Variants in IQCK observed in about 807,000 individuals in gnomAD.
IQCK encodes the protein IQ motif containing K.
Under a neutral mutation model 28.1 loss-of-function variants are expected in IQCK, and 29 were observed. The ratio of observed to expected loss-of-function variants is 1.03; its 90% CI spans 0.77 to 1.41. IQCK has a LOEUF of 1.41. Ranked by LOEUF, IQCK falls within the 40% of genes most tolerant of loss-of-function variation. The pLI is 0.00. For missense variants in IQCK, 359 were observed against 314.7 expected (o/e 1.14, Z -1.07); for synonymous variants, 113 against 115.1 (o/e 0.98, Z 0.12).
At chr16:19,806,305 C>T (rs2055832794) in intron 7 of IQCK, among the ~76,000 whole-genome samples, 1 of 151,924 alleles carries the variant, frequency 6.6e-6, no homozygotes, top group African/African-American at 2.4e-5. Flanking sequence ...GTTGAGGCTA[C>T]AGTGAGCTAT....
chr16:19,736,479 C>T (rs903847959), intron 4 of IQCK, among the ~76,000 whole-genome samples: 2 of 152,062 alleles, frequency 1.3e-5, no homozygotes, highest in African/African-American at 4.8e-5. Context: ...ACTCAGTGAA[C>T]TCGGTAGAAA....
chr16:19,733,674 C>G, intron 2 of IQCK, 24 bp from the exon 3 acceptor site: 2 of 1,611,004 alleles, frequency 1.2e-6, no homozygotes, highest in Non-Finnish European at 1.7e-6. Context: ...AATGAATTGC[C>G]TCCCCTCCCC....
chr16:19,725,729 A>G (rs1293359969), intron 1 of IQCK, among the ~76,000 whole-genome samples: 3 of 152,210 alleles, frequency 2.0e-5, no homozygotes, highest in Non-Finnish European at 4.4e-5. Flanking sequence ...ATTCTCAAAT[A>G]TGTTAGATTC....
intron 7 of IQCK, among the ~76,000 whole-genome samples, chr16:19,815,385 T>C (rs1194116943): frequency 6.6e-6 from 1 of 152,204 alleles, no homozygotes; most frequent in Non-Finnish European, 1.5e-5. Flanking sequence ...CGCCAGTGGC[T>C]TATGCTGATA....
chr16:19,758,331 C>T (rs558004259), intron 4 of IQCK, among the ~76,000 whole-genome samples: 2 of 152,334 alleles, frequency 1.3e-5, no homozygotes, highest in African/African-American at 4.8e-5. Context: ...CACGTCCACG[C>T]TTGCCCAGAA....
intron 6 of IQCK, among the ~76,000 whole-genome samples, chr16:19,782,834 T>C (rs909201341): frequency 2.0e-5 from 3 of 152,206 alleles, no homozygotes; most frequent in African/African-American, 7.2e-5. Flanking sequence ...GTTAGCATGC[T>C]GTATCTTCAC....
chr16:19,819,104 G>A (rs1323272239), intron 7 of IQCK, among the ~76,000 whole-genome samples: 1 of 152,282 alleles, frequency 6.6e-6, no homozygotes, highest in African/African-American at 2.4e-5. Context: ...GTGTTAAAGG[G>A]TGTCCACGAT....
intron 7 of IQCK, among the ~76,000 whole-genome samples, chr16:19,822,968 G>A (rs943709457): frequency 6.6e-6 from 1 of 152,028 alleles, no homozygotes; most frequent in African/African-American, 2.4e-5. Context: ...AGAGTTGGAA[G>A]AGGTGGCCCC....
rs182254166 is a variant in IQCK, at chr16:19,842,003, G to A, written c.803-14484G>A. Among the ~76,000 whole-genome samples, 36 of 152,082 alleles carry A rather than the reference G, an allele frequency of 2.4e-4. No homozygotes were observed. The East Asian group carries it at 6.4e-3, about 27-fold the overall frequency. ...TGGGATTACAGGTGCCCACCACCAC[G>A]CCTAGCACATTTTTGTATTTTTAGT... On this transcript the variant is annotated intron_variant, in intron 9 of 9. Transcript: ENST00000320394.
At chr16:19,755,937 C>T (rs1269781645) in intron 4 of IQCK, among the ~76,000 whole-genome samples, 1 of 152,174 alleles carries the variant, frequency 6.6e-6, no homozygotes, top group Non-Finnish European at 1.5e-5. Context: ...AATGCCAGCA[C>T]TTTGGGAGGC....
intron 9 of IQCK, among the ~76,000 whole-genome samples, chr16:19,838,610 C>T (rs986304423): frequency 1.3e-5 from 2 of 152,134 alleles, no homozygotes; most frequent in Non-Finnish European, 2.9e-5. Flanking sequence ...CCAAACGTTG[C>T]GTGTCTGCAA....
intron 9 of IQCK, among the ~76,000 whole-genome samples, chr16:19,856,189 A>C (rs927160968): frequency 2.6e-5 from 4 of 152,152 alleles, no homozygotes; most frequent in Non-Finnish European, 5.9e-5. Context: ...TCTTTAGTAA[A>C]ATTGCCTTCC....
At chr16:19,813,939 C>T (rs897337432) in intron 7 of IQCK, among the ~76,000 whole-genome samples, 1 of 152,026 alleles carries the variant, frequency 6.6e-6, no homozygotes, top group Non-Finnish European at 1.5e-5. Context: ...ACAATTAGGG[C>T]TGGGTGTGGT....
intron 7 of IQCK, among the ~76,000 whole-genome samples, chr16:19,817,781 G>A (rs1422685499): frequency 6.6e-6 from 1 of 152,116 alleles, no homozygotes; most frequent in African/African-American, 2.4e-5. Context: ...CATGCTCATT[G>A]TAAATATCCC....
At chr16:19,845,282 G>C (rs959507275) in intron 9 of IQCK, among the ~76,000 whole-genome samples, 10 of 152,230 alleles carry the variant, frequency 6.6e-5, no homozygotes, top group Non-Finnish European at 1.5e-4. Flanking sequence ...ATAAACTGGA[G>C]GGTTTGTCTC....
intron 6 of IQCK, among the ~76,000 whole-genome samples, chr16:19,784,998 A>G (rs1355259637): frequency 6.6e-6 from 1 of 152,086 alleles, no homozygotes; most frequent in Admixed American, 6.6e-5. Flanking sequence ...CGAACCCCTG[A>G]CCTCAGGTGA....
intron 1 of IQCK, among the ~76,000 whole-genome samples, chr16:19,730,024 T>G (rs1194373586): frequency 6.7e-6 from 1 of 149,416 alleles, no homozygotes; most frequent in African/African-American, 2.5e-5. Context: ...GGCAGGATCT[T>G]GGCTCACTGC....
intron 7 of IQCK, among the ~76,000 whole-genome samples, chr16:19,792,464 C>G (rs1422648844): frequency 9.2e-6 from 1 of 109,110 alleles, no homozygotes; most frequent in Non-Finnish European, 1.6e-5. Flanking sequence ...CACACACACA[C>G]GGATAGGAAA....
At chr16:19,770,067 A>G (rs2055298319) in intron 6 of IQCK, among the ~76,000 whole-genome samples, 1 of 152,164 alleles carries the variant, frequency 6.6e-6, no homozygotes, top group Admixed American at 6.5e-5. Flanking sequence ...TGCTTCTAGG[A>G]TATCCATGCC....
Sources: allele counts gnomAD v4.1 joint callset (sites outside exome capture counted in the v4.1 genomes callset), GRCh38; gene constraint gnomAD v4.1.1; transcripts MANE v1.5; gene names NCBI Gene and HGNC (gene_info 2026-07-23, HGNC 2026-07-21).